DENND1A: variants seen among roughly 807,000 people sequenced by gnomAD.
DENND1A encodes the protein DENN domain-containing protein 1A.
DENND1A carries 51 observed loss-of-function variants against 113.7 expected under a neutral mutation model. That is an observed-to-expected ratio of 0.45 (90% CI 0.36 to 0.57). The LOEUF (loss-of-function observed/expected upper bound fraction) is 0.57, where lower values mean the gene tolerates loss of function less well. DENND1A is among the 20% of genes least tolerant of loss of function. The pLI is 0.00. For missense variants in DENND1A, 1,258 were observed against 1,395.9 expected (o/e 0.90, Z 1.57); for synonymous variants, 565 against 570.8 (o/e 0.99, Z 0.14).
rs1309596695 is a variant in DENND1A, at chr9:123,668,123, C to T, written c.454-1044G>A. Among the ~76,000 whole-genome samples, 4 of 152,228 alleles carry T rather than the reference C, an allele frequency of 2.6e-5. No individual in the cohort carries two copies. The East Asian group carries it at 7.7e-4, about 29-fold the overall frequency. ...CAATGGCAAGCAGGAACGGAAAGAGCTTGGTGCCGGCCAATTAAAGATGGG... is the reference window on the plus strand; with the variant it reads ...CAATGGCAAGCAGGAACGGAAAGAGTTTGGTGCCGGCCAATTAAAGATGGG... On this transcript the variant is annotated intron_variant, in intron 7 of 23. Coordinates refer to ENST00000394215, the MANE Select transcript of DENND1A (RefSeq NM_001352964.2).
chr9:123,778,892 G>T (rs750491756), intron 3 of DENND1A, among the ~76,000 whole-genome samples: 1 of 152,120 alleles, frequency 6.6e-6, no homozygotes, highest in Admixed American at 6.5e-5. Flanking sequence ...GTAATTCAAC[G>T]ATTCAAATGT....
In DENND1A at chr9:123,492,443, A is replaced by G. The variant is rs2051457726; in HGVS notation, c.994-34546T>C. On this transcript the variant is annotated intron_variant, in intron 13 of 23. Transcript: ENST00000394215. ...AACAGCCCAAGGCACTCAGGAACAT[A>G]GCTGCACCAGGGGACTTGGAGTGAT... Among the ~76,000 whole-genome samples the G allele has an allele frequency of 2.0e-5, 3 of 152,224 alleles. No homozygotes were observed. In the South Asian group the frequency reaches 6.2e-4, roughly 32 times the overall value.
intron 2 of DENND1A, among the ~76,000 whole-genome samples, chr9:123,861,719 TTGA>T (rs1239135389): frequency 2.0e-5 from 3 of 152,150 alleles, no homozygotes; most frequent in Non-Finnish European, 4.4e-5. Flanking sequence ...CACTGTGAAC[TTGA>T]TGAAGATGTC....
rs5900577 is a variant in DENND1A, at chr9:123,473,986, CTTTTTTTTTTTTT to C, written c.994-16102_994-16090del. On this transcript the variant is annotated intron_variant, in intron 13 of 23. Transcript: ENST00000394215. ...AAATGGGGTAACGTTTACTTTCTTT[CTTTTTTTTTTTTT>C]TTTTTTTTTTTTTGAGATGGAGTCT... Among the ~76,000 whole-genome samples the C allele has an allele frequency of 1.7e-4, 12 of 70,720 alleles. No individual in the cohort carries two copies. In the South Asian group the frequency reaches 2.8e-3, roughly 17 times the overall value. 46.4% of individuals were successfully genotyped at this position (70,720 alleles called of 152,430 possible).
intron 5 of DENND1A, among the ~76,000 whole-genome samples, chr9:123,728,545 A>G (rs2130810886): frequency 6.7e-6 from 1 of 149,220 alleles, no homozygotes; most frequent in Admixed American, 6.8e-5. Context: ...GTCATTTTAT[A>G]CATTCAATCC....
chr9:123,772,086 T>G (rs1421046224), intron 3 of DENND1A, among the ~76,000 whole-genome samples: 2 of 152,136 alleles, frequency 1.3e-5, no homozygotes, highest in Non-Finnish European at 1.5e-5. Flanking sequence ...ATCTACTTCT[T>G]AATTTGAGAA....
chr9:123,503,445 T>G (rs2052659490), intron 13 of DENND1A, among the ~76,000 whole-genome samples: 2 of 152,310 alleles, frequency 1.3e-5, no homozygotes, highest in Admixed American at 6.5e-5. Context: ...TGCAACCTCT[T>G]AACACTCAGC....
intron 13 of DENND1A, among the ~76,000 whole-genome samples, chr9:123,515,943 G>A (rs1015293304): frequency 6.6e-6 from 1 of 152,132 alleles, no homozygotes; most frequent in African/African-American, 2.4e-5. Flanking sequence ...AGCCAGGCAT[G>A]GTGGTGCACA....
At chr9:123,850,905 C>T (rs1843248146) in intron 2 of DENND1A, among the ~76,000 whole-genome samples, 1 of 151,766 alleles carries the variant, frequency 6.6e-6, no homozygotes, top group South Asian at 2.1e-4. Context: ...GATTAAAATG[C>T]TTAAATAATC....
chr9:123,611,171 T>TTTC lies in DENND1A; in HGVS notation c.720-1693_720-1691dup, dbSNP rs377467993. Among the ~76,000 whole-genome samples, 334 of 152,226 alleles carry TTTC rather than the reference T, an allele frequency of 2.2e-3. 1 individual carries two copies. The highest frequency in any genetic ancestry group is 3.1e-3 in the Admixed American group (47 of 15,292). On this transcript the variant is annotated intron_variant, in intron 10 of 23. Transcript: ENST00000394215. ...AATTGCAGTGAAAGTGGAGTTGTCT[T>TTTC]TTCTTCTTCTTCTTCTTCTTTTTTT...
At chr9:123,541,304 A>G (rs946450114) in intron 13 of DENND1A, among the ~76,000 whole-genome samples, 4 of 152,240 alleles carry the variant, frequency 2.6e-5, no homozygotes, top group African/African-American at 9.6e-5. Flanking sequence ...ATAAAGGGCA[A>G]GAAGTAGGAG....
chr9:123,404,506 TGA>T (rs1237053891), intron 20 of DENND1A, among the ~76,000 whole-genome samples: 2 of 152,190 alleles, frequency 1.3e-5, no homozygotes, highest in African/African-American at 2.4e-5. Flanking sequence ...CCACAACTGC[TGA>T]GTTTCCAGGA....
intron 5 of DENND1A, among the ~76,000 whole-genome samples, chr9:123,711,505 G>GTATGTATATATATATA (rs2066605429): frequency 1.2e-3 from 76 of 62,480 alleles, no homozygotes; most frequent in African/African-American, 6.5e-3. Flanking sequence ...ATATATATAT[G>GTATGTATATATATATA]TATATATGTA....
intron 12 of DENND1A, among the ~76,000 whole-genome samples, chr9:123,580,106 A>G (rs928022481): frequency 4.6e-5 from 7 of 152,258 alleles, no homozygotes; most frequent in African/African-American, 1.4e-4. Flanking sequence ...ACAACATGCA[A>G]GCACTGTGCC....
At chr9:123,917,132 C>T (rs900372782) in intron 1 of DENND1A, among the ~76,000 whole-genome samples, 7 of 151,946 alleles carry the variant, frequency 4.6e-5, no homozygotes, top group African/African-American at 9.7e-5. Context: ...TGCAGTGAGC[C>T]GAAATCGTGC....
chr9:123,845,039 C>T (rs1415591429), intron 2 of DENND1A, among the ~76,000 whole-genome samples: 5 of 151,860 alleles, frequency 3.3e-5, no homozygotes, highest in East Asian at 1.9e-4. Context: ...GCCAACATGG[C>T]GAAACACCAT....
chr9:123,877,890 T>C (rs919916214), intron 2 of DENND1A, among the ~76,000 whole-genome samples: 8 of 152,106 alleles, frequency 5.3e-5, no homozygotes, highest in African/African-American at 1.4e-4. Context: ...GTGTTGTCTA[T>C]GGGGAGAGGA....
chr9:123,488,141 G>C (rs1028019136), intron 13 of DENND1A, among the ~76,000 whole-genome samples: 2 of 152,216 alleles, frequency 1.3e-5, no homozygotes, highest in African/African-American at 4.8e-5. Flanking sequence ...GCCAGCACAA[G>C]GCTTAGCCTG....
chr9:123,384,012 G>A (rs529673964), intron 22 of DENND1A, 99 bp from the exon 23 acceptor site: 18 of 1,476,860 alleles, frequency 1.2e-5, no homozygotes, highest in South Asian at 2.6e-5. Flanking sequence ...AGGGGTGCAC[G>A]CAGGGGCCTG....
Sources: gnomAD v4.1 joint callset for allele counts (sites outside exome capture counted in the v4.1 genomes callset) on GRCh38, gnomAD v4.1.1 for gene constraint, MANE v1.5 for transcripts, NCBI Gene and HGNC (gene_info 2026-07-23, HGNC 2026-07-21) for gene names.